Variants in GGH observed in about 807,000 individuals in gnomAD.
The protein encoded by GGH is gamma-glutamyl hydrolase, also known as gamma-Glu-X carboxypeptidase.
Under a neutral mutation model 39.2 loss-of-function variants are expected in GGH, and 18 were observed. The ratio of observed to expected loss-of-function variants is 0.46; its 90% CI spans 0.32 to 0.68. The LOEUF (loss-of-function observed/expected upper bound fraction) is 0.68, where lower values mean the gene tolerates loss of function less well. Ranked by LOEUF, GGH falls within the 30% of genes least tolerant of loss-of-function variation. GGH has a pLI of 0.04. For missense variants in GGH, 367 were observed against 384.1 expected (o/e 0.96, Z 0.37); for synonymous variants, 147 against 138.8 (o/e 1.06, Z -0.42).
intron 3 of GGH, among the ~76,000 whole-genome samples, chr8:63,028,862 G>A (rs1411975018): frequency 1.3e-5 from 2 of 152,208 alleles, no homozygotes; most frequent in Non-Finnish European, 2.9e-5. Context: ...CAACTGGGGA[G>A]AGGGTGGGAA....
At chr8:63,021,727 T>G (rs1426431220) in intron 7 of GGH, among the ~76,000 whole-genome samples, 1 of 141,484 alleles carries the variant, frequency 7.1e-6, no homozygotes, top group Non-Finnish European at 1.5e-5. Context: ...CAGGCTGGAG[T>G]GCAGTGTGCA....
Position 63,038,691 on chromosome 8 carries a change from G to A in GGH, c.78C>T (p.Pro26=). Reference sequence around the variant, plus strand: ...TGGGCTTCTTGGCGGTGTCGCCGTGGGGTCTAGACAGCTCGAGGCTCGCCG... The same window carrying A: ...TGGGCTTCTTGGCGGTGTCGCCGTGAGGTCTAGACAGCTCGAGGCTCGCCG... The part of the protein sequence containing the change: ...CGAASLELSR[P]HGDTAKKPII... The change falls in exon 1 of 9, where the codon CCC becomes CCT. Residue 26 remains proline (P), a synonymous_variant. Transcript: ENST00000260118. 1 of 1,550,516 alleles carries A rather than the reference G, an allele frequency of 6.4e-7. No homozygotes were observed. Among genetic ancestry groups the A allele is most frequent in the Non-Finnish European group, 8.7e-7 (1 of 1,142,928 alleles).
At chr8:63,029,775 T>C (rs574201735) in intron 3 of GGH, among the ~76,000 whole-genome samples, 2 of 152,138 alleles carry the variant, frequency 1.3e-5, no homozygotes, top group East Asian at 3.9e-4. Flanking sequence ...TAATGGTGAA[T>C]ATTTTTTCCC....
Position 63,017,649 on chromosome 8 carries a change from T to C in GGH, c.698-19A>G, listed in dbSNP as rs1279714109. ...TTATATCCTGTAAGAAGAACACAAA[T>C]TAGTAAGTACTAAGAATGGTTTAAA... On this transcript the variant is annotated intron_variant, in intron 7 of 8. Coordinates refer to ENST00000260118, the MANE Select transcript of GGH (RefSeq NM_003878.3). 5.1e-5 allele frequency: 76 copies of C among 1,497,320 alleles called. No individual in the cohort carries two copies. The highest frequency in any genetic ancestry group is 6.8e-5 in the Non-Finnish European group (74 of 1,092,144). 92.8% of individuals were successfully genotyped at this position (1,497,320 alleles called of 1,614,324 possible).
intron 7 of GGH, among the ~76,000 whole-genome samples, chr8:63,019,603 G>A (rs1804549629): frequency 6.6e-6 from 1 of 151,984 alleles, no homozygotes; most frequent in Admixed American, 6.6e-5. Flanking sequence ...AGGTCATAAT[G>A]TTTTTTTGGA....
At chr8:63,021,669 C>CTTTTTT (rs752057959) in intron 7 of GGH, among the ~76,000 whole-genome samples, 1,056 of 93,292 alleles carry the variant, frequency 0.011, 39 homozygotes, top group East Asian at 0.039. Flanking sequence ...ATCTCATATC[C>CTTTTTT]TTTTTTTTTT....
At chr8:63,022,036 T>A (rs79927224) in intron 7 of GGH, among the ~76,000 whole-genome samples, 2,307 of 152,284 alleles carry the variant, frequency 0.015, 64 homozygotes, top group African/African-American at 0.051. Context: ...TTATATAAGC[T>A]AGACACATAT....
chr8:63,031,536 AC>A (rs1472465588), intron 2 of GGH, among the ~76,000 whole-genome samples: 22 of 152,208 alleles, frequency 1.4e-4, no homozygotes, highest in Non-Finnish European at 3.1e-4. Flanking sequence ...AAAATGGGCA[AC>A]CATCGCCATC....
intron 7 of GGH, chr8:63,023,623 A>C (rs1585668149): frequency 9.6e-6 from 2 of 208,494 alleles, no homozygotes; most frequent in East Asian, 2.0e-4. Flanking sequence ...CAAGGTATTT[A>C]ATCTGCAATA....
chr8:63,030,163 T>C lies in GGH; in HGVS notation c.275+4A>G, dbSNP rs1804777172. Reference sequence around the variant, plus strand: ...ACCGTATGAAACCAATGCTGCCAACTTACCCATTAATAGATTTGAAAAGTA... The same window carrying C: ...ACCGTATGAAACCAATGCTGCCAACCTACCCATTAATAGATTTGAAAAGTA... On this transcript the variant is annotated splice_donor_region_variant and intron_variant, in intron 3 of 8. Transcript: ENST00000260118. 7.4e-7 allele frequency: 1 copy of C among 1,348,194 alleles called. No homozygotes were observed. The highest frequency in any genetic ancestry group is 2.3e-5 in the East Asian group (1 of 43,318). 83.5% of individuals were successfully genotyped at this position (1,348,194 alleles called of 1,614,324 possible).
intron 1 of GGH, among the ~76,000 whole-genome samples, chr8:63,037,911 T>C (rs1804940494): frequency 6.6e-6 from 1 of 152,174 alleles, no homozygotes; most frequent in South Asian, 2.1e-4. Flanking sequence ...AGTGATAATA[T>C]TCATAGAAAA....
chr8:63,030,386 C>T (rs879213862), intron 2 of GGH, among the ~76,000 whole-genome samples, 169 bp from the exon 3 acceptor site: 1 of 152,200 alleles, frequency 6.6e-6, no homozygotes, highest in Admixed American at 6.5e-5. Flanking sequence ...TTGAAAGCCA[C>T]ATCATTCTAT....
chr8:63,017,114 C>T (rs1804500145), intron 8 of GGH, among the ~76,000 whole-genome samples: 1 of 152,006 alleles, frequency 6.6e-6, no homozygotes, highest in Non-Finnish European at 1.5e-5. Context: ...TCCCCTGAGC[C>T]CAGGAGTTTG....
intron 3 of GGH, 30 bp downstream of exon 3, chr8:63,030,137 T>C (rs1233354066): frequency 3.0e-6 from 3 of 1,011,084 alleles, no homozygotes; most frequent in African/African-American, 1.6e-5. Flanking sequence ...ACCACTCATA[T>C]ACCGTATGAA....
At chr8:63,026,766 G>C (rs1218076543) in intron 4 of GGH, among the ~76,000 whole-genome samples, 2 of 152,114 alleles carry the variant, frequency 1.3e-5, no homozygotes, top group Admixed American at 6.6e-5. Flanking sequence ...AGCTCTGCTT[G>C]ACATGGAGTC....
chr8:63,030,449 T>C (rs1449287009), intron 2 of GGH, among the ~76,000 whole-genome samples: 1 of 152,200 alleles, frequency 6.6e-6, no homozygotes, highest in Non-Finnish European at 1.5e-5. Flanking sequence ...TCTAATGCAA[T>C]TTAATATTGT....
In GGH at chr8:63,035,653, T is replaced by G; in HGVS notation, c.224+3A>C. On this transcript the variant is annotated splice_donor_region_variant and intron_variant, in intron 2 of 8. Transcript: ENST00000260118. ...AAAAAAAAAAAAAAACACTGAATCA[T>G]ACCTTACTGGTACAACTCTCGCACC... 2 of 1,596,152 alleles carry G rather than the reference T, an allele frequency of 1.3e-6. No homozygotes were observed. Among genetic ancestry groups the G allele is most frequent in the Non-Finnish European group, 1.7e-6 (2 of 1,173,990 alleles).
chr8:63,021,042 C>T lies in GGH; in HGVS notation c.697+2865G>A, dbSNP rs114986012. Among the ~76,000 whole-genome samples the T allele has an allele frequency of 3.2e-3, 491 of 152,274 alleles. 3 individuals are homozygous for T. The highest frequency in any genetic ancestry group is 0.011 in the African/African-American group (475 of 41,554). On this transcript the variant is annotated intron_variant, in intron 7 of 8. Coordinates refer to ENST00000260118, the MANE Select transcript of GGH (RefSeq NM_003878.3). ...TACTGTCCCTCCCACCCCTTCAGCC[C>T]AGTGAGAAGGACTCTCATAATTATT...
At chr8:63,029,480 TGCATA>T (rs955345410) in intron 3 of GGH, among the ~76,000 whole-genome samples, 31 of 152,242 alleles carry the variant, frequency 2.0e-4, no homozygotes, top group Middle Eastern at 3.4e-3. Context: ...ACTAATACAA[TGCATA>T]GATTTGAGTC....
Sources: gnomAD v4.1 joint callset for allele counts (sites outside exome capture counted in the v4.1 genomes callset) on GRCh38, gnomAD v4.1.1 for gene constraint, MANE v1.5 for transcripts, NCBI Gene and HGNC (gene_info 2026-07-23, HGNC 2026-07-21) for gene names.